The following USH2A variants were observed in gnomAD, a reference collection of about 807,000 sequenced individuals.
USH2A encodes the protein Usher syndrome 2A (autosomal recessive, mild).
A neutral mutation model predicts 538.9 loss-of-function variants in USH2A; 443 were observed. That is an observed-to-expected ratio of 0.82 (90% CI 0.76 to 0.89). USH2A has a LOEUF of 0.89. USH2A is among the 40% of genes least tolerant of loss of function. USH2A has a pLI of 0.00. For synonymous variants in USH2A, 2,413 were observed against 2,273.5 expected, an observed-to-expected ratio of 1.06 and a Z score of -1.75; for missense variants, 6,633 against 6,324.8, an observed-to-expected ratio of 1.05 and a Z score of -1.65.
chr1:215,762,106 T>G (rs1164328414), intron 56 of USH2A, among the ~76,000 whole-genome samples: 1 of 152,228 alleles, frequency 6.6e-6, no homozygotes, highest in Non-Finnish European at 1.5e-5. Flanking sequence ...TAGTTCATTT[T>G]GTTCTGAGAG....
intron 11 of USH2A, among the ~76,000 whole-genome samples, chr1:216,269,536 A>G (rs1174931103): frequency 6.6e-6 from 1 of 152,090 alleles, no homozygotes; most frequent in Non-Finnish European, 1.5e-5. Context: ...CATAACCCCT[A>G]TGTTAAATTC....
At chr1:216,012,599 G>A (rs1381616197) in intron 32 of USH2A, among the ~76,000 whole-genome samples, 1 of 152,088 alleles carries the variant, frequency 6.6e-6, no homozygotes, top group Non-Finnish European at 1.5e-5. Context: ...CAGCCAAGCA[G>A]TTTTTCAGGC....
At chr1:215,687,353 C>A (rs775233501) in intron 61 of USH2A, among the ~76,000 whole-genome samples, 1 of 150,306 alleles carries the variant, frequency 6.7e-6, no homozygotes, top group Non-Finnish European at 1.5e-5. Context: ...AAGAATGATA[C>A]GTGAAAAGGG....
chr1:216,232,750 C>T (rs12239173), intron 13 of USH2A, among the ~76,000 whole-genome samples: 4,124 of 152,264 alleles, frequency 0.027, 199 homozygotes, highest in African/African-American at 0.093. Context: ...ATCCCCGCTA[C>T]GACCTCCCAG....
In USH2A at chr1:215,795,183, G is replaced by A. The variant is rs912082417; in HGVS notation, c.9958+3724C>T. Among the ~76,000 whole-genome samples, 7 of 152,126 alleles carry A rather than the reference G, an allele frequency of 4.6e-5. No homozygotes were observed. In the South Asian group the frequency reaches 1.0e-3, roughly 22 times the overall value. On this transcript the variant is annotated intron_variant, in intron 50 of 71. Coordinates refer to ENST00000307340, the MANE Select transcript of USH2A (RefSeq NM_206933.4). ...ATCTCCTTTCTTCCTTACACAGAGT[G>A]TATACCTCCTGTAAACCAAAGCACA... is the stretch of plus-strand genomic sequence containing the variant.
At chr1:215,935,026 G>A (rs967879345) in intron 37 of USH2A, among the ~76,000 whole-genome samples, 2 of 151,912 alleles carry the variant, frequency 1.3e-5, no homozygotes, top group South Asian at 2.1e-4. Flanking sequence ...CACGGCAATC[G>A]AAATAATTTG....
chr1:215,702,093 G>T (rs2102690597), intron 61 of USH2A, among the ~76,000 whole-genome samples: 1 of 152,252 alleles, frequency 6.6e-6, no homozygotes, highest in Middle Eastern at 3.4e-3. Flanking sequence ...AGTTTGGCTG[G>T]ATATGAAATT....
At chr1:215,887,963 G>A (rs1665108100) in intron 41 of USH2A, among the ~76,000 whole-genome samples, 1 of 152,160 alleles carries the variant, frequency 6.6e-6, no homozygotes. Flanking sequence ...AGAATGAGGT[G>A]AATAATTGAA....
At chr1:215,761,922 A>G (rs919370468) in intron 56 of USH2A, among the ~76,000 whole-genome samples, 10 of 152,152 alleles carry the variant, frequency 6.6e-5, no homozygotes, top group Non-Finnish European at 1.3e-4. Context: ...GCTTGATTGT[A>G]TCTCCTGTGT....
intron 61 of USH2A, among the ~76,000 whole-genome samples, chr1:215,723,122 T>C (rs1180118261): frequency 6.6e-6 from 1 of 152,124 alleles, no homozygotes; most frequent in Non-Finnish European, 1.5e-5. Flanking sequence ...TTTTCAATAA[T>C]GGAAGGTATT....
chr1:215,912,451 GTGTATATA>G lies in USH2A; in HGVS notation c.7301-11554_7301-11547del, dbSNP rs1665811474. 3.0e-4 allele frequency among the ~76,000 whole-genome samples: 3 copies of G among 9,962 alleles called. No homozygotes were observed. The East Asian group carries it at 6.9e-3, about 23-fold the overall frequency. The allele number at this position is 9,962 out of a possible 152,430, so 6.5% of individuals were successfully genotyped here. On this transcript the variant is annotated intron_variant, in intron 38 of 71. Coordinates refer to ENST00000307340, the MANE Select transcript of USH2A (RefSeq NM_206933.4). ...ATTTTTGAGGGTAGGTAGTAGGTAT[GTGTATATA>G]TATATATATATATATACGTATATAT...
intron 56 of USH2A, among the ~76,000 whole-genome samples, chr1:215,760,724 G>A (rs530511872): frequency 5.9e-5 from 9 of 151,972 alleles, no homozygotes; most frequent in African/African-American, 1.2e-4. Flanking sequence ...CCTTTCATAC[G>A]CCCAAATGTA....
chr1:215,780,591 A>G (rs918138757), intron 54 of USH2A, among the ~76,000 whole-genome samples: 1 of 152,250 alleles, frequency 6.6e-6, no homozygotes, highest in African/African-American at 2.4e-5. Flanking sequence ...TCAGAAGAAA[A>G]AAATAAATCA....
At chr1:215,625,952 T>C in intron 71 of USH2A, 82 bp from the exon 72 acceptor site, 2 of 1,374,662 alleles carry the variant, frequency 1.5e-6, no homozygotes, top group South Asian at 1.2e-5. Flanking sequence ...ATCAATTAAG[T>C]GTAAAAAGTA....
chr1:216,057,062 C>CGGG (rs1285010171), intron 30 of USH2A, among the ~76,000 whole-genome samples: 1 of 152,120 alleles, frequency 6.6e-6, no homozygotes, highest in Non-Finnish European at 1.5e-5. Flanking sequence ...TTTTTAACTA[C>CGGG]GGCTCAACAT....
At chr1:216,207,514 G>A (rs1558317643) in intron 15 of USH2A, 83 bp from the exon 16 acceptor site, 7 of 1,540,250 alleles carry the variant, frequency 4.5e-6, no homozygotes, top group Non-Finnish European at 6.3e-6. Flanking sequence ...CCAGCAAAGA[G>A]GTCTTTCTGA....
chr1:215,795,601 T>C (rs907089222), intron 50 of USH2A, among the ~76,000 whole-genome samples: 1 of 152,204 alleles, frequency 6.6e-6, no homozygotes, highest in Non-Finnish European at 1.5e-5. Flanking sequence ...TCAAATATTT[T>C]GCTGTCATTT....
At chr1:215,879,936 T>TA (rs1177291440) in intron 41 of USH2A, among the ~76,000 whole-genome samples, 2 of 152,238 alleles carry the variant, frequency 1.3e-5, no homozygotes, top group African/African-American at 2.4e-5. Context: ...CTTTTATTGG[T>TA]ACCTTCTAGT....
intron 43 of USH2A, among the ~76,000 whole-genome samples, chr1:215,875,241 T>TC (rs1344326463): frequency 6.6e-6 from 1 of 152,180 alleles, no homozygotes; most frequent in East Asian, 1.9e-4. Flanking sequence ...AAAAAGAGAT[T>TC]CTTATAAAGA....
Sources: gnomAD v4.1 joint callset for allele counts (sites outside exome capture counted in the v4.1 genomes callset) on GRCh38, gnomAD v4.1.1 for gene constraint, MANE v1.5 for transcripts, NCBI Gene and HGNC (gene_info 2026-07-23, HGNC 2026-07-21) for gene names.